TBC1D12: variants seen among roughly 807,000 people sequenced by gnomAD.
TBC1D12 encodes TBC1 domain family, member 12.
Under a neutral mutation model 86.7 loss-of-function variants are expected in TBC1D12, and 56 were observed. The ratio of observed to expected loss-of-function variants is 0.65; its 90% confidence interval spans 0.52 to 0.81. TBC1D12 has a LOEUF of 0.81. TBC1D12 is among the 30% of genes least tolerant of loss of function. The pLI, the probability that TBC1D12 is intolerant of heterozygous loss-of-function variation, is 0.00. For synonymous variants in TBC1D12, 421 were observed against 411.7 expected (o/e 1.02, Z -0.27); for missense variants, 1,023 against 1,038.8 (o/e 0.98, Z 0.21).
chr10:94,446,245 CAGAT>C (rs2055460097), intron 2 of TBC1D12, among the ~76,000 whole-genome samples: 1 of 152,130 alleles, frequency 6.6e-6, no homozygotes, highest in South Asian at 2.1e-4. Context: ...TGTATGCTTT[CAGAT>C]AGATGTTATT....
intron 1 of TBC1D12, among the ~76,000 whole-genome samples, chr10:94,412,925 A>C (rs1212019246): frequency 6.6e-6 from 1 of 152,206 alleles, no homozygotes. Context: ...AAGAATGCAG[A>C]TTCCTTGAGA....
intron 5 of TBC1D12, among the ~76,000 whole-genome samples, chr10:94,498,580 A>G (rs913463745): frequency 3.3e-5 from 5 of 151,982 alleles, no homozygotes; most frequent in Non-Finnish European, 5.9e-5. Flanking sequence ...TAGTCTCCCT[A>G]GTAGCAGGGA....
At position 94,506,796 on chromosome 10, in the gene TBC1D12, A is replaced by T. The variant is rs545538304; in HGVS notation, c.1520-471A>T. ...AAGATCGAGCATCTGTTGAAGTGCT[A>T]TGAGGTGCCAGGAGCTTTACATATA... On this transcript the variant is annotated intron_variant, in intron 6 of 12. Coordinates refer to ENST00000225235, the MANE Select transcript of TBC1D12 (RefSeq NM_015188.2). Among the ~76,000 whole-genome samples the T allele has an allele frequency of 1.6e-4, 24 of 152,336 alleles. No homozygotes were observed. In the East Asian group the frequency reaches 4.0e-3, roughly 26 times the overall value.
intron 1 of TBC1D12, among the ~76,000 whole-genome samples, chr10:94,410,594 A>G (rs1239497256): frequency 1.3e-5 from 2 of 152,078 alleles, no homozygotes; most frequent in Admixed American, 1.3e-4. Flanking sequence ...TAGGAAGGGT[A>G]GGGTTTATTT....
intron 1 of TBC1D12, among the ~76,000 whole-genome samples, chr10:94,417,790 C>T (rs1401735135): frequency 6.6e-6 from 1 of 151,110 alleles, no homozygotes; most frequent in Non-Finnish European, 1.5e-5. Context: ...GCTCTGTCGC[C>T]CAGGCTGGAG....
intron 9 of TBC1D12, among the ~76,000 whole-genome samples, chr10:94,518,012 G>T (rs1842044462): frequency 6.6e-6 from 1 of 151,938 alleles, no homozygotes; most frequent in Admixed American, 6.6e-5. Context: ...AATTAGCCAG[G>T]TGTGGTGGCA....
In TBC1D12 at chr10:94,414,391, T is replaced by C. The variant is rs191284808; in HGVS notation, c.971+10807T>C. 1.5e-3 allele frequency among the ~76,000 whole-genome samples: 222 copies of C among 152,284 alleles called. 2 individuals are homozygous for C. The highest frequency in any genetic ancestry group is 9.5e-3 in the South Asian group (46 of 4,822). On this transcript the variant is annotated intron_variant, in intron 1 of 12. Coordinates refer to ENST00000225235, the MANE Select transcript of TBC1D12 (RefSeq NM_015188.2). ...GGAGAGAATAAATGTTAGGTAGAAGTTAGCCATGTAGTTAGTTCTTAGGCC... is the reference window on the plus strand; with the variant it reads ...GGAGAGAATAAATGTTAGGTAGAAGCTAGCCATGTAGTTAGTTCTTAGGCC...
chr10:94,429,955 C>G (rs1180551395), intron 1 of TBC1D12, among the ~76,000 whole-genome samples: 1 of 152,114 alleles, frequency 6.6e-6, no homozygotes, highest in Non-Finnish European at 1.5e-5. Flanking sequence ...AGGCCGGTCT[C>G]GAACTCTTGG....
At chr10:94,501,575 T>A (rs1280256730) in intron 6 of TBC1D12, 2 of 152,352 alleles carry the variant, frequency 1.3e-5, no homozygotes, top group Non-Finnish European at 2.9e-5. Context: ...TGAGATGGAG[T>A]CTCGCTCTGT....
intron 2 of TBC1D12, among the ~76,000 whole-genome samples, chr10:94,458,038 ATTATT>A (rs1402663359): frequency 6.6e-5 from 10 of 152,260 alleles, no homozygotes; most frequent in African/African-American, 1.9e-4. Flanking sequence ...TATTGATGTT[ATTATT>A]TTGAGTAAAC....
At position 94,453,098 on chromosome 10, in the gene TBC1D12, T is replaced by G. The variant is rs957952788; in HGVS notation, c.1095+11079T>G. On this transcript the variant is annotated intron_variant, in intron 2 of 12. Transcript: ENST00000225235. ...ATCTTCTCTGATGATATACAGGTCTTTTGCTCATGTTAAAATCAGATTGTT... is the reference window on the plus strand; with the variant it reads ...ATCTTCTCTGATGATATACAGGTCTGTTGCTCATGTTAAAATCAGATTGTT... Among the ~76,000 whole-genome samples the G allele has an allele frequency of 2.8e-4, 43 of 152,344 alleles. 1 individual carries two copies. The highest frequency in any genetic ancestry group is 9.9e-4 in the African/African-American group (41 of 41,582).
intron 4 of TBC1D12, among the ~76,000 whole-genome samples, chr10:94,495,228 T>G (rs2056299784): frequency 6.6e-6 from 1 of 151,866 alleles, no homozygotes; most frequent in Non-Finnish European, 1.5e-5. Context: ...TTTGCCATGT[T>G]GGCCAGGCTG....
intron 2 of TBC1D12, among the ~76,000 whole-genome samples, chr10:94,470,813 A>G (rs1047825004): frequency 6.8e-6 from 1 of 147,478 alleles, no homozygotes; most frequent in African/African-American, 2.5e-5. Context: ...TTATTTTGAT[A>G]TGGAAATCTG....
At chr10:94,522,663 G>A (rs1214131651) in intron 11 of TBC1D12, among the ~76,000 whole-genome samples, 2 of 151,880 alleles carry the variant, frequency 1.3e-5, no homozygotes, top group South Asian at 2.1e-4. Context: ...TCTGTAATCC[G>A]AGCACTTTGG....
At chr10:94,435,839 G>T (rs2055286966) in intron 1 of TBC1D12, among the ~76,000 whole-genome samples, 2 of 152,096 alleles carry the variant, frequency 1.3e-5, no homozygotes, top group African/African-American at 4.8e-5. Context: ...TTGATACATT[G>T]GGAACTGACT....
At chr10:94,446,758 A>G (rs1388312161) in intron 2 of TBC1D12, among the ~76,000 whole-genome samples, 3 of 152,284 alleles carry the variant, frequency 2.0e-5, no homozygotes, top group Non-Finnish European at 4.4e-5. Context: ...CTGTAAGATT[A>G]CACACTAAGT....
chr10:94,463,472 C>A (rs2055759764), intron 2 of TBC1D12, among the ~76,000 whole-genome samples: 2 of 152,204 alleles, frequency 1.3e-5, no homozygotes, highest in South Asian at 4.1e-4. Flanking sequence ...CAGTCCCACT[C>A]TCATGATAAT....
chr10:94,474,921 C>T, intron 3 of TBC1D12, 138 bp downstream of exon 3: 6 of 791,926 alleles, frequency 7.6e-6, no homozygotes, highest in Non-Finnish European at 9.8e-6. Flanking sequence ...TGTTGTCTAT[C>T]CTAAAACTAT....
At chr10:94,511,148 A>G (rs1206005641) in intron 8 of TBC1D12, among the ~76,000 whole-genome samples, 2 of 124,678 alleles carry the variant, frequency 1.6e-5, no homozygotes, top group African/African-American at 6.3e-5. Context: ...CCCAGGCTGG[A>G]GTGCAGTGGC....
Sources: allele counts gnomAD v4.1 joint callset (sites outside exome capture counted in the v4.1 genomes callset), GRCh38; gene constraint gnomAD v4.1.1; transcripts MANE v1.5; gene names NCBI Gene and HGNC (gene_info 2026-07-23, HGNC 2026-07-21).